Variants in ORC4 observed in about 807,000 individuals in gnomAD.
ORC4 encodes the protein origin recognition complex, subunit 4 homolog.
In ORC4, 55 loss-of-function variants were observed where a neutral mutation model predicts 63.9. The ratio of observed to expected loss-of-function variants is 0.86; its 90% CI spans 0.69 to 1.08. The LOEUF is 1.08. Ranked by LOEUF, ORC4 falls within the 50% of genes least tolerant of loss-of-function variation. The pLI is 0.00. For missense variants in ORC4, 511 were observed against 504.4 expected (o/e 1.01, Z -0.13); for synonymous variants, 150 against 168.5 (o/e 0.89, Z 0.85).
At chr2:147,987,141 A>C (rs926243339) in intron 1 of ORC4, among the ~76,000 whole-genome samples, 26 of 151,258 alleles carry the variant, frequency 1.7e-4, no homozygotes, top group Non-Finnish European at 3.2e-4. Context: ...CTGGGTCAAC[A>C]CCTTGAGCAG....
intron 9 of ORC4, among the ~76,000 whole-genome samples, chr2:147,946,712 G>T (rs1392790098): frequency 6.6e-6 from 1 of 151,960 alleles, no homozygotes; most frequent in African/African-American, 2.4e-5. Context: ...ATTATGTATA[G>T]TTGTATTAAG....
chr2:147,979,294 A>G (rs991831869), intron 1 of ORC4, among the ~76,000 whole-genome samples: 2 of 152,202 alleles, frequency 1.3e-5, no homozygotes, highest in African/African-American at 2.4e-5. Context: ...AAAATCAATA[A>G]GATTTCTCCA....
At chr2:148,000,595 T>C (rs1322034114) in intron 1 of ORC4, among the ~76,000 whole-genome samples, 5 of 152,000 alleles carry the variant, frequency 3.3e-5, no homozygotes, top group African/African-American at 4.8e-5. Context: ...AAGGATTACA[T>C]AGGATATAGG....
chr2:147,989,539 C>G (rs1691446568), intron 1 of ORC4, among the ~76,000 whole-genome samples: 1 of 152,068 alleles, frequency 6.6e-6, no homozygotes, highest in Admixed American at 6.6e-5. Flanking sequence ...AACTCCATCT[C>G]TACTAAAAAT....
At chr2:147,955,950 T>C (rs1689225159) in intron 6 of ORC4, among the ~76,000 whole-genome samples, 1 of 152,076 alleles carries the variant, frequency 6.6e-6, no homozygotes, top group African/African-American at 2.4e-5. Flanking sequence ...ATGTATATCA[T>C]ATCATGTTTG....
chr2:148,013,911 T>A (rs1327432961), intron 1 of ORC4, among the ~76,000 whole-genome samples: 2 of 152,186 alleles, frequency 1.3e-5, no homozygotes, highest in African/African-American at 4.8e-5. Flanking sequence ...TGAAATTACT[T>A]ACCAAATTCC....
At chr2:147,995,581 C>G (rs575412703) in intron 1 of ORC4, among the ~76,000 whole-genome samples, 3 of 152,284 alleles carry the variant, frequency 2.0e-5, no homozygotes, top group African/African-American at 4.8e-5. Flanking sequence ...GTAACACTCA[C>G]CAGGAGGGTC....
intron 1 of ORC4, among the ~76,000 whole-genome samples, chr2:148,011,403 AT>A (rs1448892753): frequency 6.6e-6 from 1 of 152,206 alleles, no homozygotes; most frequent in Non-Finnish European, 1.5e-5. Context: ...TGCCAAAAAA[AT>A]CTTTTTTGAT....
chr2:148,007,453 A>G (rs1692705183), intron 1 of ORC4, among the ~76,000 whole-genome samples: 1 of 152,228 alleles, frequency 6.6e-6, no homozygotes, highest in Non-Finnish European at 1.5e-5. Context: ...CAACAAGCTG[A>G]AAATGCATCA....
chr2:147,980,773 T>A (rs1034253099), intron 1 of ORC4, among the ~76,000 whole-genome samples: 2 of 152,194 alleles, frequency 1.3e-5, no homozygotes, highest in African/African-American at 4.8e-5. Flanking sequence ...GGTAAAAATG[T>A]AAATTAGTAT....
At chr2:147,994,733 C>T (rs1691832699) in intron 1 of ORC4, among the ~76,000 whole-genome samples, 1 of 152,188 alleles carries the variant, frequency 6.6e-6, no homozygotes, top group Non-Finnish European at 1.5e-5. Context: ...AACTATAAAA[C>T]TCCAAAAATG....
intron 1 of ORC4, among the ~76,000 whole-genome samples, chr2:148,014,611 T>C (rs985711334): frequency 6.6e-6 from 1 of 152,162 alleles, no homozygotes; most frequent in Non-Finnish European, 1.5e-5. Flanking sequence ...AAATGAACTA[T>C]GAATATAGTC....
chr2:147,969,775 C>T (rs547935960), intron 4 of ORC4, among the ~76,000 whole-genome samples: 1 of 151,934 alleles, frequency 6.6e-6, no homozygotes, highest in South Asian at 2.1e-4. Flanking sequence ...CTTTAGTGAA[C>T]AATACCCTCT....
intron 8 of ORC4, chr2:147,951,598 C>T (rs777840390): frequency 6.6e-5 from 10 of 152,194 alleles, no homozygotes; most frequent in Non-Finnish European, 1.5e-4. Flanking sequence ...ACCCTTGCAA[C>T]AAAGCCAGTG....
chr2:147,964,130 C>G (rs181379676), intron 4 of ORC4, among the ~76,000 whole-genome samples: 1 of 151,962 alleles, frequency 6.6e-6, no homozygotes, highest in Non-Finnish European at 1.5e-5. Context: ...TAAAGAAATA[C>G]AGAAAATGCC....
intron 4 of ORC4, among the ~76,000 whole-genome samples, chr2:147,959,889 T>C (rs965145270): frequency 2.0e-5 from 3 of 152,140 alleles, no homozygotes; most frequent in African/African-American, 7.2e-5. Context: ...AAGGACTGCA[T>C]AGAGGTACTT....
Position 147,958,994 on chromosome 2 carries a change from A to G in ORC4, c.226-128T>C, listed in dbSNP as rs187561913. 2.7e-5 allele frequency: 15 copies of G among 561,696 alleles called. No homozygotes were observed. The Admixed American group carries it at 4.9e-4, about 18-fold the overall frequency. 34.8% of individuals were successfully genotyped at this position (561,696 alleles called of 1,614,324 possible). On this transcript the variant is annotated intron_variant, in intron 4 of 13. Coordinates refer to ENST00000392857, the MANE Select transcript of ORC4 (RefSeq NM_181741.4). ...ACCTCTTTAACAAGTAAGTTTTCAA[A>G]TTCTTTACAGATAAAAGGTTTAACT...
intron 9 of ORC4, among the ~76,000 whole-genome samples, chr2:147,944,673 A>C (rs1160159342): frequency 6.8e-6 from 1 of 146,820 alleles, no homozygotes; most frequent in Non-Finnish European, 1.5e-5. Flanking sequence ...TTCAAAAATC[A>C]TCTGCATGGA....
chr2:147,948,188 T>G lies in ORC4; in HGVS notation c.625A>C (p.Arg209=). ...LELLEKRVKS[R]FSHRQIHLMN... Reference sequence around the variant, plus strand: ...AAGTGTATCTGCCGGTGAGAAAATCTTGACTTCACTCTTTTTTCTAAGAGT... The same window carrying G: ...AAGTGTATCTGCCGGTGAGAAAATCGTGACTTCACTCTTTTTTCTAAGAGT... Residue 209 remains arginine, a synonymous_variant, in exon 9 of 14, where the codon AGA becomes CGA. Coordinates refer to ENST00000392857, the MANE Select transcript of ORC4 (RefSeq NM_181741.4). 1 of 1,610,052 alleles carries G rather than the reference T, an allele frequency of 6.2e-7. No individual in the cohort carries two copies. Among genetic ancestry groups the G allele is most frequent in the Middle Eastern group, 1.7e-4 (1 of 6,034 alleles).
Sources: gnomAD v4.1 joint callset for allele counts (sites outside exome capture counted in the v4.1 genomes callset) on GRCh38, gnomAD v4.1.1 for gene constraint, MANE v1.5 for transcripts, NCBI Gene and HGNC (gene_info 2026-07-23, HGNC 2026-07-21) for gene names.